LSM8: variants seen among roughly 807,000 people sequenced by gnomAD.
LSM8 encodes LSM8 U6 small nuclear RNA associated.
LSM8 carries 14 observed loss-of-function variants against 15.0 expected under a neutral mutation model. The ratio of observed to expected loss-of-function variants is 0.93; its 90% CI spans 0.62 to 1.46. LSM8 has a LOEUF of 1.46. Among genes scored for constraint, LSM8 ranks in the 40% most tolerant of loss-of-function variants. LSM8 has a pLI of 0.00. For missense variants in LSM8, 90 were observed against 115.4 expected (o/e 0.78, Z 1.01); for synonymous variants, 50 against 42.1 (o/e 1.19, Z -0.73).
intron 1 of LSM8, chr7:118,184,977 C>T (rs1808861822): frequency 6.6e-6 from 1 of 152,160 alleles, no homozygotes; most frequent in African/African-American, 2.4e-5. Flanking sequence ...AGAAGCCTGT[C>T]CTGGAAGACA....
Position 118,203,775 on chromosome 7 carries a change from T to G in LSM8, c.*11773T>G, listed in dbSNP as rs1027871141. Among the ~76,000 whole-genome samples the G allele has an allele frequency of 6.6e-6, 1 of 151,844 alleles. No individual in the cohort carries two copies. The highest frequency in any genetic ancestry group is 1.5e-5 in the Non-Finnish European group (1 of 67,790). Reference sequence around the variant, plus strand: ...AAATCATAATTTGTGATTTCAAACATTTAATATGTGCACATGTATATTATA... The same window carrying G: ...AAATCATAATTTGTGATTTCAAACAGTTAATATGTGCACATGTATATTATA... On this transcript the variant is annotated 3_prime_UTR_variant, in exon 4 of 4. Coordinates refer to ENST00000249299, the MANE Select transcript of LSM8 (RefSeq NM_016200.5).
At position 118,196,312 on chromosome 7, in the gene LSM8, T is replaced by G. The variant is rs946248165; in HGVS notation, c.*4310T>G. On this transcript the variant is annotated 3_prime_UTR_variant, in exon 4 of 4. Coordinates refer to ENST00000249299, the MANE Select transcript of LSM8 (RefSeq NM_016200.5). ...TTATTTCATCAGATTCTTTCAGTATTCTGGGATATAATTTATGGGTTCTGG... is the reference window on the plus strand; with the variant it reads ...TTATTTCATCAGATTCTTTCAGTATGCTGGGATATAATTTATGGGTTCTGG... Among the ~76,000 whole-genome samples the G allele has an allele frequency of 1.3e-5, 2 of 152,206 alleles. No individual in the cohort carries two copies. The highest frequency in any genetic ancestry group is 4.8e-5 in the African/African-American group (2 of 41,460).
In LSM8 at chr7:118,193,556, A is replaced by G. The variant is rs1339822205; in HGVS notation, c.*1554A>G. On this transcript the variant is annotated 3_prime_UTR_variant, in exon 4 of 4. Transcript: ENST00000249299. ...TAAGGGCTGTCTCTGGGAGAATTAG[A>G]GAAGTTAGCTAGTATTGGCTATTCA... is the stretch of plus-strand genomic sequence containing the variant. Among the ~76,000 whole-genome samples the G allele has an allele frequency of 6.6e-6, 1 of 152,130 alleles. No individual in the cohort carries two copies. The highest frequency in any genetic ancestry group is 1.5e-5 in the Non-Finnish European group (1 of 67,986).
Position 118,197,443 on chromosome 7 carries a change from C to T in LSM8, c.*5441C>T, listed in dbSNP as rs901747966. On this transcript the variant is annotated 3_prime_UTR_variant, in exon 4 of 4. Coordinates refer to ENST00000249299, the MANE Select transcript of LSM8 (RefSeq NM_016200.5). The stretch of plus-strand genomic sequence containing the variant: ...ATATGCACAAGCTATCATGTTTCAT[C>T]TCATATCAACAAAATGATTATAATA... Among the ~76,000 whole-genome samples the T allele has an allele frequency of 6.6e-6, 1 of 151,854 alleles. No individual in the cohort carries two copies. The highest frequency in any genetic ancestry group is 2.4e-5 in the African/African-American group (1 of 41,338).
chr7:118,192,015 T>A lies in LSM8; in HGVS notation c.*13T>A. ...TGTAGCACACTGAGGAAAAACTACATACTTGGACATCTGTAAATCTTTGTA... is the reference window on the plus strand; with the variant it reads ...TGTAGCACACTGAGGAAAAACTACAAACTTGGACATCTGTAAATCTTTGTA... On this transcript the variant is annotated 3_prime_UTR_variant, in exon 4 of 4. Transcript: ENST00000249299. The A allele has an allele frequency of 6.4e-7, 1 of 1,566,940 alleles. No homozygotes were observed. The highest frequency in any genetic ancestry group is 1.4e-5 in the African/African-American group (1 of 73,976).
rs1007239625 is a variant in LSM8 at position 118,199,035 on chromosome 7, A to G, written c.*7033A>G. On this transcript the variant is annotated 3_prime_UTR_variant, in exon 4 of 4. Coordinates refer to ENST00000249299, the MANE Select transcript of LSM8 (RefSeq NM_016200.5). ...TGTTGGTAAACACCGTTGCTGAACT[A>G]GGTGCTGTCTGTGCAGCTCCACTGG... Among the ~76,000 whole-genome samples the G allele has an allele frequency of 6.6e-6, 1 of 152,204 alleles. No individual in the cohort carries two copies. The highest frequency in any genetic ancestry group is 2.4e-5 in the African/African-American group (1 of 41,458).
Position 118,198,012 on chromosome 7 carries a change from T to A in LSM8, c.*6010T>A, listed in dbSNP as rs1318098384. On this transcript the variant is annotated 3_prime_UTR_variant, in exon 4 of 4. Transcript: ENST00000249299. ...GTGGCCTAGGAAAAGTACTAAGAAGTAATTGATAGCATTCCCTGATAATTT... is the reference window on the plus strand; with the variant it reads ...GTGGCCTAGGAAAAGTACTAAGAAGAAATTGATAGCATTCCCTGATAATTT... 6.6e-6 allele frequency among the ~76,000 whole-genome samples: 1 copy of A among 152,162 alleles called. No homozygotes were observed.
chr7:118,185,749 T>C, intron 2 of LSM8, 55 bp downstream of exon 2: 1 of 1,518,010 alleles, frequency 6.6e-7, no homozygotes, highest in Non-Finnish European at 9.1e-7. Flanking sequence ...TGGTTGCAAG[T>C]TTTATGTGAA....
At position 118,197,769 on chromosome 7, in the gene LSM8, G is replaced by A. The variant is rs1002982679; in HGVS notation, c.*5767G>A. Among the ~76,000 whole-genome samples the A allele has an allele frequency of 2.0e-5, 3 of 152,124 alleles. No homozygotes were observed. The highest frequency in any genetic ancestry group is 7.2e-5 in the African/African-American group (3 of 41,420). On this transcript the variant is annotated 3_prime_UTR_variant, in exon 4 of 4. Transcript: ENST00000249299. ...GTCTTGGGCTAGTCCAGTGTAGCAT[G>A]GCAGTGAAAGGCACAGACTCTGGAG...
rs11542074 is a variant in LSM8, at chr7:118,193,000, T to A, written c.*998T>A. On this transcript the variant is annotated 3_prime_UTR_variant, in exon 4 of 4. Transcript: ENST00000249299. Reference sequence around the variant, plus strand: ...CAACTCATGTATAGGCCCAAGTGTGTGTCTTTGTGATGAGAAGAACATAGA... The same window carrying A: ...CAACTCATGTATAGGCCCAAGTGTGAGTCTTTGTGATGAGAAGAACATAGA... Among the ~76,000 whole-genome samples the A allele has an allele frequency of 6.6e-6, 1 of 151,992 alleles. No homozygotes were observed.
intron 1 of LSM8, chr7:118,184,623 G>A (rs750114055): frequency 5.5e-5 from 10 of 182,558 alleles, no homozygotes; most frequent in Non-Finnish European, 1.0e-4. Flanking sequence ...GCAAATCTTT[G>A]TACTTGTTTT....
Position 118,191,914 on chromosome 7 carries a change from C to G in LSM8, c.203C>G (p.Ala68Gly), listed in dbSNP as rs749389949. 11 of 1,606,222 alleles carry G rather than the reference C, an allele frequency of 6.8e-6. No homozygotes were observed. The highest frequency in any genetic ancestry group is 9.4e-6 in the Non-Finnish European group (11 of 1,174,930). ...TGTTTTAACTCTGACTTTTTTAGTG[C>G]AGTCATTGGAGAAATCGATGAAGAA... ...GLYIVRGDNVAVIGEIDEETD... is the reference protein window; with the variant it reads ...GLYIVRGDNVGVIGEIDEETD... The change falls in exon 4 of 4, where the codon GCA (alanine) becomes GGA (glycine). Residue 68 changes from alanine (A) to glycine (G), a missense_variant and splice_region_variant. Transcript: ENST00000249299.
At position 118,202,710 on chromosome 7, in the gene LSM8, G is replaced by A. The variant is rs998361112; in HGVS notation, c.*10708G>A. 6.7e-6 allele frequency among the ~76,000 whole-genome samples: 1 copy of A among 149,754 alleles called. No homozygotes were observed. Among genetic ancestry groups the A allele is most frequent in the African/African-American group, 2.5e-5 (1 of 40,506 alleles). On this transcript the variant is annotated 3_prime_UTR_variant, in exon 4 of 4. Coordinates refer to ENST00000249299, the MANE Select transcript of LSM8 (RefSeq NM_016200.5). ...ATTTTGCCACTCCAAATAAAAAAAG[G>A]GTTGCTGTTAGGAAAAAGAGAAGAA...
At chr7:118,188,545 T>G in intron 3 of LSM8, 140 bp downstream of exon 3, 1 of 749,418 alleles carries the variant, frequency 1.3e-6, no homozygotes, top group Non-Finnish European at 2.0e-6. Context: ...AATATACCTT[T>G]TCTTATGTTT....
intron 3 of LSM8, 48 bp from the exon 4 acceptor site, chr7:118,191,864 A>G (rs570214519): frequency 1.8e-5 from 25 of 1,419,902 alleles, no homozygotes; most frequent in Non-Finnish European, 2.4e-5. Context: ...TTTGAAACAC[A>G]TGTAATTTAT....
At position 118,193,564 on chromosome 7, in the gene LSM8, G is replaced by C. The variant is rs1320058695; in HGVS notation, c.*1562G>C. 6.6e-6 allele frequency among the ~76,000 whole-genome samples: 1 copy of C among 152,052 alleles called. No homozygotes were observed. Among genetic ancestry groups the C allele is most frequent in the Admixed American group, 6.6e-5 (1 of 15,246 alleles). The stretch of plus-strand genomic sequence containing the variant: ...GTCTCTGGGAGAATTAGAGAAGTTA[G>C]CTAGTATTGGCTATTCATAAGTACT... On this transcript the variant is annotated 3_prime_UTR_variant, in exon 4 of 4. Coordinates refer to ENST00000249299, the MANE Select transcript of LSM8 (RefSeq NM_016200.5).
At chr7:118,185,241 A>G (rs1020963590) in intron 1 of LSM8, 1 of 155,230 alleles carries the variant, frequency 6.4e-6, no homozygotes, top group African/African-American at 2.4e-5. Flanking sequence ...CAAAAACAGA[A>G]GCTTTTTTTA....
chr7:118,193,062 A>G lies in LSM8; in HGVS notation c.*1060A>G, dbSNP rs1039570722. On this transcript the variant is annotated 3_prime_UTR_variant, in exon 4 of 4. Coordinates refer to ENST00000249299, the MANE Select transcript of LSM8 (RefSeq NM_016200.5). ...ATCCTTGTAATTGAAACAAATTTAA[A>G]TAGTTTATTTGTTTTGTTTTTATGA... Among the ~76,000 whole-genome samples the G allele has an allele frequency of 6.6e-6, 1 of 152,176 alleles. No homozygotes were observed. Among genetic ancestry groups the G allele is most frequent in the Non-Finnish European group, 1.5e-5 (1 of 68,002 alleles).
Position 118,193,405 on chromosome 7 carries a change from T to C in LSM8, c.*1403T>C, listed in dbSNP as rs901259749. ...AGAGTTTAGAGGTGGGTTTCATTCA[T>C]ATTTTAAAATATTTTAAACTTCATA... On this transcript the variant is annotated 3_prime_UTR_variant, in exon 4 of 4. Transcript: ENST00000249299. 6.6e-6 allele frequency among the ~76,000 whole-genome samples: 1 copy of C among 152,094 alleles called. No individual in the cohort carries two copies. The highest frequency in any genetic ancestry group is 1.5e-5 in the Non-Finnish European group (1 of 67,964).
Sources: allele counts gnomAD v4.1 joint callset (sites outside exome capture counted in the v4.1 genomes callset), GRCh38; gene constraint gnomAD v4.1.1; transcripts MANE v1.5; gene names NCBI Gene and HGNC (gene_info 2026-07-23, HGNC 2026-07-21).